F2: variants seen among roughly 807,000 people sequenced by gnomAD.
The protein encoded by F2 is coagulation factor II, thrombin, also known as prothrombin.
In F2, 34 loss-of-function variants were observed where a neutral mutation model predicts 81.9. The observed-to-expected ratio is 0.42, with a 90% CI of 0.32 to 0.55. The LOEUF is 0.55. Ranked by LOEUF, F2 falls within the 20% of genes least tolerant of loss-of-function variation. The pLI, the probability that F2 is intolerant of heterozygous loss-of-function variation, is 0.18. For synonymous variants in F2, 296 were observed against 326.4 expected (o/e 0.91, Z 1.01); for missense variants, 630 against 833.4 (o/e 0.76, Z 3.00).
Position 46,739,089 on chromosome 11 carries a change from G to A in F2, c.1696G>A (p.Gly566Ser), listed in dbSNP as rs1342342089. The A allele has an allele frequency of 1.2e-6, 2 of 1,614,230 alleles. No individual in the cohort carries two copies. Among genetic ancestry groups the A allele is most frequent in the South Asian group, 1.1e-5 (1 of 91,086 alleles). Residue 566 changes from glycine (G) to serine (S), a missense_variant, in exon 13 of 14, where the codon GGT becomes AGT. Transcript: ENST00000311907. ...DEGKRGDACEGDSGGPFVMKS... is the reference protein window; with the variant it reads ...DEGKRGDACESDSGGPFVMKS... Reference sequence around the variant, plus strand: ...AGGGAAACGAGGGGATGCCTGTGAAGGTGACAGTGGGGGACCCTTTGTCAT... The same window carrying A: ...AGGGAAACGAGGGGATGCCTGTGAAAGTGACAGTGGGGGACCCTTTGTCAT...
intron 12 of F2, among the ~76,000 whole-genome samples, chr11:46,735,063 C>T (rs2064935908): frequency 6.6e-6 from 1 of 152,128 alleles, no homozygotes; most frequent in Non-Finnish European, 1.5e-5. Context: ...ACCTGTAATC[C>T]CAGCAGTTTG....
At chr11:46,727,213 G>C (rs1450565407) in intron 9 of F2, among the ~76,000 whole-genome samples, 1 of 152,054 alleles carries the variant, frequency 6.6e-6, no homozygotes, top group Non-Finnish European at 1.5e-5. Context: ...GTAGAGACAG[G>C]GTTTCACCAT....
At chr11:46,721,015 G>T (rs761202349) in intron 4 of F2, among the ~76,000 whole-genome samples, 175 bp downstream of exon 4, 1 of 152,068 alleles carries the variant, frequency 6.6e-6, no homozygotes, top group Non-Finnish European at 1.5e-5. Context: ...TCTGGCATGC[G>T]AACGAATGAA....
chr11:46,732,480 G>A (rs552346131), intron 12 of F2, among the ~76,000 whole-genome samples: 2 of 149,854 alleles, frequency 1.3e-5, no homozygotes, highest in South Asian at 4.2e-4. Context: ...TCACTGCAAC[G>A]TCCTCCTCCC....
rs1025058093 is a variant in F2, at chr11:46,728,318, C to T, written c.1298+155C>T. The stretch of plus-strand genomic sequence containing the variant: ...CTCTGCTGGAAAGCCCATTTGGTCA[C>T]GTCCTGACTGAGGCTTGGAGCTGCG... On this transcript the variant is annotated intron_variant, in intron 10 of 13. Transcript: ENST00000311907. The surrounding 1 kb of genome is among the most constrained non-coding windows in gnomAD (Gnocchi z 5.1). 6.6e-6 allele frequency among the ~76,000 whole-genome samples: 1 copy of T among 152,160 alleles called. No individual in the cohort carries two copies. The highest frequency in any genetic ancestry group is 2.4e-5 in the African/African-American group (1 of 41,420).
At chr11:46,731,432 C>T (rs532430489) in intron 12 of F2, among the ~76,000 whole-genome samples, 1 of 152,018 alleles carries the variant, frequency 6.6e-6, no homozygotes, top group Admixed American at 6.6e-5. Context: ...CCACCCACCT[C>T]GGCTTCCCAA....
Position 46,726,787 on chromosome 11 carries a change from C to T in F2, c.1080C>T (p.Ile360=), listed in dbSNP as rs749109527. 1.9e-5 allele frequency: 31 copies of T among 1,614,082 alleles called. 1 individual carries two copies. Among genetic ancestry groups the T allele is most frequent in the South Asian group, 1.4e-4 (13 of 91,082 alleles). Residue 360 remains isoleucine, a synonymous_variant, in exon 9 of 14, where the codon ATC becomes ATT. Coordinates refer to ENST00000311907, the MANE Select transcript of F2 (RefSeq NM_000506.5). The surrounding 1 kb of genome is among the most constrained non-coding windows in gnomAD (Gnocchi z 5.9). ...AAAGAGAGCTCCTGGAATCCTACAT[C>T]GACGGGCGCATTGTGGAGGGCTCGG... ...KTERELLESY[I]DGRIVEGSDA... is the part of the protein sequence containing the mutation.
chr11:46,739,176 C>T, intron 13 of F2, 58 bp downstream of exon 13: 1 of 1,613,452 alleles, frequency 6.2e-7, no homozygotes, highest in Non-Finnish European at 8.5e-7. Context: ...TGGGGAGAAA[C>T]TCTAGTATCT....
intron 4 of F2, among the ~76,000 whole-genome samples, chr11:46,722,850 T>C (rs1227670511): frequency 6.6e-6 from 1 of 152,196 alleles, no homozygotes; most frequent in Non-Finnish European, 1.5e-5. Context: ...CCAGGGCCAG[T>C]TGAAAAGGAC....
At chr11:46,736,557 C>G (rs959090514) in intron 12 of F2, among the ~76,000 whole-genome samples, 26 of 152,296 alleles carry the variant, frequency 1.7e-4, no homozygotes, top group Admixed American at 1.5e-3. Context: ...CTTGGCCTCC[C>G]AAAGTGTTGG....
chr11:46,726,291 T>C lies in F2; in HGVS notation c.874+118T>C. ...GAGTGCGCTCATTACAGCCTTACAG[T>C]AACCAGGTGGGGGGTAAGGTCCTGT... On this transcript the variant is annotated intron_variant, in intron 7 of 13. Coordinates refer to ENST00000311907, the MANE Select transcript of F2 (RefSeq NM_000506.5). This position sits in a 1 kb window ranked among gnomAD's most constrained non-coding sequence, Gnocchi z 5.9. The C allele has an allele frequency of 1.4e-6, 2 of 1,454,564 alleles. No homozygotes were observed. The highest frequency in any genetic ancestry group is 2.4e-5 in the South Asian group (2 of 81,740). The allele number at this position is 1,454,564 out of a possible 1,614,324, so 90.1% of individuals were successfully genotyped here.
Position 46,726,912 on chromosome 11 carries a change from G to A in F2, c.1130+75G>A. ...TGCTGGACCCCCACCCTCAGGCCCT[G>A]CCTGCAGGCCTGGGCTTTACAGATG... is the stretch of plus-strand genomic sequence containing the variant. On this transcript the variant is annotated intron_variant, in intron 9 of 13. Coordinates refer to ENST00000311907, the MANE Select transcript of F2 (RefSeq NM_000506.5). This position sits in a 1 kb window ranked among gnomAD's most constrained non-coding sequence, Gnocchi z 5.9. 4.4e-6 allele frequency: 7 copies of A among 1,600,806 alleles called. No homozygotes were observed. Among genetic ancestry groups the A allele is most frequent in the Non-Finnish European group, 6.0e-6 (7 of 1,170,910 alleles).
rs121918479 is a variant in F2 at position 46,728,138 on chromosome 11, C to T, written c.1273C>T (p.Arg425Cys). The change falls in exon 10 of 14, where the codon CGC becomes TGC. Residue 425 changes from arginine to cysteine, a missense_variant. By Grantham distance (180) the Arg-to-Cys change is radical. Transcript: ENST00000311907. The surrounding 1 kb of genome is among the most constrained non-coding windows in gnomAD (Gnocchi z 5.1). ...KNFTENDLLV[R>C]IGKHSRTRYE... is the part of the protein sequence containing the mutation. ...CTTCACCGAGAATGACCTTCTGGTGCGCATTGGCAAGCACTCCCGCACCAG... is the reference window on the plus strand; with the variant it reads ...CTTCACCGAGAATGACCTTCTGGTGTGCATTGGCAAGCACTCCCGCACCAG... 6.2e-7 allele frequency: 1 copy of T among 1,610,370 alleles called. No homozygotes were observed. The highest frequency in any genetic ancestry group is 8.5e-7 in the Non-Finnish European group (1 of 1,178,784).
In F2 at chr11:46,720,421, C is replaced by T. The variant is rs931376376; in HGVS notation, c.241-102C>T. On this transcript the variant is annotated intron_variant, in intron 2 of 13. Transcript: ENST00000311907. ...AAACCTCCCCAGAGCCTGCCCCCTG[C>T]GTGACCAGGGTAAAGGAAAGTGTGA... The T allele has an allele frequency of 8.1e-6, 11 of 1,356,312 alleles. No homozygotes were observed. In the African/African-American group the frequency reaches 1.0e-4, roughly 12 times the overall value. The allele number at this position is 1,356,312 out of a possible 1,614,324, so 84.0% of individuals were successfully genotyped here.
chr11:46,729,342 G>C, intron 11 of F2, 38 bp from the exon 12 acceptor site: 1 of 1,602,320 alleles, frequency 6.2e-7, no homozygotes, highest in Non-Finnish European at 8.5e-7. Context: ...GCTCCTGTGG[G>C]GGTTGGCTCT....
intron 6 of F2, among the ~76,000 whole-genome samples, chr11:46,724,682 G>A (rs2064859942): frequency 6.6e-6 from 1 of 152,058 alleles, no homozygotes; most frequent in Non-Finnish European, 1.5e-5. Context: ...TAAAGAATTT[G>A]TGCCGATTAC....
rs1434108976 is a variant in F2, at chr11:46,739,127, C to T, written c.1725+9C>T. On this transcript the variant is annotated intron_variant, in intron 13 of 13. Coordinates refer to ENST00000311907, the MANE Select transcript of F2 (RefSeq NM_000506.5). Reference sequence around the variant, plus strand: ...GACCCTTTGTCATGAAGGTAAGCTTCTCTAAAGCCCAGGGCCTGGTGAACA... The same window carrying T: ...GACCCTTTGTCATGAAGGTAAGCTTTTCTAAAGCCCAGGGCCTGGTGAACA... The T allele has an allele frequency of 1.9e-6, 3 of 1,613,744 alleles. No homozygotes were observed. The highest frequency in any genetic ancestry group is 1.7e-6 in the Non-Finnish European group (2 of 1,179,592).
intron 2 of F2, chr11:46,720,087 C>G (rs778412009): frequency 5.0e-5 from 32 of 634,296 alleles, no homozygotes; most frequent in Non-Finnish European, 8.1e-5. Context: ...CATGGGGAGG[C>G]CTCCACAGTC....
chr11:46,726,455 G>T lies in F2; in HGVS notation c.875-43G>T. On this transcript the variant is annotated intron_variant, in intron 7 of 13. Transcript: ENST00000311907. The surrounding 1 kb of genome is among the most constrained non-coding windows in gnomAD (Gnocchi z 5.9). ...TGGGGGGATCTAGGGGATGGGTGAG[G>T]AATGGCCCAGCCCAGTCCCAGCCGG... The T allele has an allele frequency of 6.2e-7, 1 of 1,600,144 alleles. No individual in the cohort carries two copies. The highest frequency in any genetic ancestry group is 8.5e-7 in the Non-Finnish European group (1 of 1,173,708).
Sources: gnomAD v4.1 joint callset for allele counts (sites outside exome capture counted in the v4.1 genomes callset) on GRCh38, gnomAD v4.1.1 for gene constraint, Gnocchi (gnomAD v3.1) non-coding constraint, MANE v1.5 for transcripts, NCBI Gene and HGNC (gene_info 2026-07-23, HGNC 2026-07-21) for gene names.